The following ZNFX1 variants were observed in gnomAD, a reference collection of about 807,000 sequenced individuals.
The protein encoded by ZNFX1 is zinc finger NFX1-type containing 1, also known as NFX1-type zinc finger-containing protein 1.
In ZNFX1, 78 loss-of-function variants were observed where a neutral mutation model predicts 179.8. The ratio of observed to expected loss-of-function variants is 0.43; its 90% confidence interval spans 0.36 to 0.52. The LOEUF is 0.52. ZNFX1 is among the 20% of genes least tolerant of loss of function. The pLI is 0.00. For missense variants in ZNFX1, 1,927 were observed against 2,386.6 expected, an observed-to-expected ratio of 0.81 and a Z score of 4.01; for synonymous variants, 848 against 868.5, an observed-to-expected ratio of 0.98 and a Z score of 0.42.
chr20:49,258,969 G>A (rs922864395), intron 7 of ZNFX1, among the ~76,000 whole-genome samples: 2 of 151,754 alleles, frequency 1.3e-5, no homozygotes, highest in Non-Finnish European at 2.9e-5. Context: ...TGGGTGTGGT[G>A]AGTGTGCCTG....
In ZNFX1 at chr20:49,249,688, A is replaced by G. The variant is rs2146728190; in HGVS notation, c.3336T>C (p.Phe1112=). The G allele has an allele frequency of 2.5e-6, 4 of 1,612,826 alleles. No individual in the cohort carries two copies. In the East Asian group the frequency reaches 8.9e-5, roughly 36 times the overall value. Residue 1112 remains phenylalanine, a synonymous_variant, in exon 14 of 14, where the codon TTT becomes TTC. Coordinates refer to ENST00000396105, the MANE Select transcript of ZNFX1 (RefSeq NM_021035.3). ...CCTGTTCAGGAAAGTTGTGTTCTAC[A>G]AAGAAAAGGTTGGAAGACACCCCCT... is the stretch of plus-strand genomic sequence containing the variant. ...KIKGVSSNLF[F]VEHNFPEQEI... is the part of the protein sequence containing the mutation.
At chr20:49,264,690 C>G (rs550864475) in intron 5 of ZNFX1, 26 bp downstream of exon 5, 1 of 1,612,186 alleles carries the variant, frequency 6.2e-7, no homozygotes, top group African/African-American at 1.3e-5. Context: ...TTGAACTACC[C>G]CAGATATTTC....
At chr20:49,275,338 C>CTT (rs202055135) in intron 2 of ZNFX1, among the ~76,000 whole-genome samples, 2 of 145,178 alleles carry the variant, frequency 1.4e-5, no homozygotes, top group African/African-American at 5.0e-5. Context: ...ATAACTCATT[C>CTT]TTTTTTTTTT....
At chr20:49,264,639 T>C in intron 5 of ZNFX1, 77 bp downstream of exon 5, 1 of 1,559,006 alleles carries the variant, frequency 6.4e-7, no homozygotes. Context: ...TACCCTGGGC[T>C]GCCTACCCAG....
Position 49,260,505 on chromosome 20 carries a change from A to T in ZNFX1, c.2374T>A (p.Ser792Thr). Residue 792 changes from serine to threonine, a missense_variant, in exon 7 of 14, where the codon TCT becomes ACT. Coordinates refer to ENST00000396105, the MANE Select transcript of ZNFX1 (RefSeq NM_021035.3). ...MLEWLGLGVG[S>T]FTQSVSPAGP... ...GCTGGAGAAACACTTTGCGTGAAAG[A>T]ACCGACACCAAGACCTAGCCACTCC... is the stretch of plus-strand genomic sequence containing the variant. 2 of 1,613,542 alleles carry T rather than the reference A, an allele frequency of 1.2e-6. No individual in the cohort carries two copies. The highest frequency in any genetic ancestry group is 2.2e-5 in the South Asian group (2 of 90,960).
At chr20:49,266,830 T>C (rs1374125910) in intron 3 of ZNFX1, among the ~76,000 whole-genome samples, 1 of 152,168 alleles carries the variant, frequency 6.6e-6, no homozygotes, top group Non-Finnish European at 1.5e-5. Context: ...AAATCAACAT[T>C]GGAATAAGAG....
At position 49,270,396 on chromosome 20, in the gene ZNFX1, CCT is replaced by C. The variant is rs1484460065; in HGVS notation, c.1414_1415del (p.Arg472GlyfsTer16). 4.3e-6 allele frequency: 7 copies of C among 1,614,238 alleles called. No individual in the cohort carries two copies. The highest frequency in any genetic ancestry group is 5.1e-6 in the Non-Finnish European group (6 of 1,180,046). ...TTCCTCGGCAGAGATCTTCCTGCTCCCTGTTAGATACGGTGGCAAAAAGAAAT... is the reference window on the plus strand; with the variant it reads ...TTCCTCGGCAGAGATCTTCCTGCTCCGTTAGATACGGTGGCAAAAAGAAAT... ...ETFLFATVSN[R>X]EQEDLCRGIV... is the part of the protein sequence containing the mutation. On this transcript the variant is annotated frameshift_variant, in exon 3 of 14. Transcript: ENST00000396105. LOFTEE classifies it high-confidence loss of function. The surrounding 1 kb of genome is among the most constrained non-coding windows in gnomAD (Gnocchi z 4.6).
At chr20:49,256,409 G>A (rs1259060481) in intron 8 of ZNFX1, among the ~76,000 whole-genome samples, 1 of 152,164 alleles carries the variant, frequency 6.6e-6, no homozygotes, top group African/African-American at 2.4e-5. Context: ...GTTGAATGCT[G>A]TACAACCAGT....
At chr20:49,254,393 T>C in intron 10 of ZNFX1, 102 bp downstream of exon 10, 1 of 1,423,812 alleles carries the variant, frequency 7.0e-7, no homozygotes, top group Non-Finnish European at 9.6e-7. Flanking sequence ...CATGGTATTT[T>C]CCTCTAACCT....
At position 49,270,910 on chromosome 20, in the gene ZNFX1, A is replaced by T; in HGVS notation, c.902T>A (p.Ile301Asn). 6 of 1,614,088 alleles carry T rather than the reference A, an allele frequency of 3.7e-6. No individual in the cohort carries two copies. Among genetic ancestry groups the T allele is most frequent in the Non-Finnish European group, 4.2e-6 (5 of 1,180,014 alleles). ...TEKNLEKVQTIIEHLQEKRRE... is the reference protein window; with the variant it reads ...TEKNLEKVQTNIEHLQEKRRE... ...CCTCTTTTCCTGCAGATGTTCAATG[A>T]TAGTCTGTACCTTTTCCAGGTTCTT... The change falls in exon 3 of 14, where the codon ATC becomes AAC. Residue 301 changes from isoleucine (I) to asparagine (N), a missense_variant. Transcript: ENST00000396105. This position sits in a 1 kb window ranked among gnomAD's most constrained non-coding sequence, Gnocchi z 4.6.
intron 13 of ZNFX1, 147 bp from the exon 14 acceptor site, chr20:49,249,858 T>C: frequency 1.3e-6 from 1 of 771,436 alleles, no homozygotes; most frequent in Non-Finnish European, 2.1e-6. Context: ...TATCTTTAGT[T>C]CTTTAGTTAG....
At position 49,270,615 on chromosome 20, in the gene ZNFX1, G is replaced by C. The variant is rs760162557; in HGVS notation, c.1197C>G (p.Gly399=). The C allele has an allele frequency of 1.9e-6, 3 of 1,614,142 alleles. No homozygotes were observed. Among genetic ancestry groups the C allele is most frequent in the Non-Finnish European group, 1.7e-6 (2 of 1,180,030 alleles). ...TGTCATCAAACTTTCTCTTCCTCAGGCCCTGGTCTTCAAAGCTTTGGAGAA... is the reference window on the plus strand; with the variant it reads ...TGTCATCAAACTTTCTCTTCCTCAGCCCCTGGTCTTCAAAGCTTTGGAGAA... ...LELLQSFEDQ[G]LRKRKFDDIR... The change falls in exon 3 of 14, where the codon GGC becomes GGG. Residue 399 remains glycine (G), a synonymous_variant. Transcript: ENST00000396105. This position sits in a 1 kb window ranked among gnomAD's most constrained non-coding sequence, Gnocchi z 4.6.
In ZNFX1 at chr20:49,266,235, C is replaced by T; in HGVS notation, c.1902G>A (p.Gln634=). ...AAACAGACTCGTTGGTTAGGAGGGCCTGAACAATTTTTAGACCCACATAGG... is the reference window on the plus strand; with the variant it reads ...AAACAGACTCGTTGGTTAGGAGGGCTTGAACAATTTTTAGACCCACATAGG... ...GKTYVGLKIV[Q]ALLTNESVWQ... is the part of the protein sequence containing the mutation. Residue 634 remains glutamine (Q), a synonymous_variant, in exon 4 of 14, where the codon CAG becomes CAA. Transcript: ENST00000396105. 6.2e-7 allele frequency: 1 copy of T among 1,610,756 alleles called. No individual in the cohort carries two copies. The highest frequency in any genetic ancestry group is 8.5e-7 in the Non-Finnish European group (1 of 1,178,958).
chr20:49,262,295 A>C (rs1167175225), intron 6 of ZNFX1, among the ~76,000 whole-genome samples: 1 of 151,476 alleles, frequency 6.6e-6, no homozygotes, highest in Non-Finnish European at 1.5e-5. Context: ...AATCCTAGCT[A>C]CTCAAGAGGC....
Position 49,270,091 on chromosome 20 carries a change from A to G in ZNFX1, c.1721T>C (p.Val574Ala). 1 of 1,614,214 alleles carries G rather than the reference A, an allele frequency of 6.2e-7. No homozygotes were observed. The highest frequency in any genetic ancestry group is 8.5e-7 in the Non-Finnish European group (1 of 1,180,038). ...PSATGEFLRN[V>A]EGLRHPRINV... ...AATTCTGGGATGTCTCAAACCCTCG[A>G]CATTTCTTAGAAATTCCCCAGTGGC... The change falls in exon 3 of 14, where the codon GTC becomes GCC. Residue 574 changes from valine (V) to alanine (A), a missense_variant. Val to Ala is a moderately conservative substitution (Grantham distance 64). Transcript: ENST00000396105. The surrounding 1 kb of genome is among the most constrained non-coding windows in gnomAD (Gnocchi z 4.6).
chr20:49,264,131 A>C (rs1420596741), intron 5 of ZNFX1, among the ~76,000 whole-genome samples: 1 of 152,188 alleles, frequency 6.6e-6, no homozygotes, highest in Non-Finnish European at 1.5e-5. Context: ...CTGAGGCAAG[A>C]GAATCGCTTG....
At chr20:49,276,755 T>G (rs568453664) in intron 1 of ZNFX1, among the ~76,000 whole-genome samples, 9 of 152,356 alleles carry the variant, frequency 5.9e-5, no homozygotes, top group African/African-American at 1.7e-4. Context: ...AATTGGAAAC[T>G]GTGACTACAT....
chr20:49,268,694 C>T (rs1981306382), intron 3 of ZNFX1, among the ~76,000 whole-genome samples: 1 of 152,050 alleles, frequency 6.6e-6, no homozygotes, highest in African/African-American at 2.4e-5. Context: ...ACAGACACTT[C>T]TCAAAAGAAG....
At chr20:49,264,012 A>G (rs1436116767) in intron 5 of ZNFX1, among the ~76,000 whole-genome samples, 2 of 151,800 alleles carry the variant, frequency 1.3e-5, no homozygotes, top group Non-Finnish European at 2.9e-5. Flanking sequence ...CCATGAGGTC[A>G]AGAGATCGAG....
Sources: allele counts gnomAD v4.1 joint callset (sites outside exome capture counted in the v4.1 genomes callset), GRCh38; gene constraint gnomAD v4.1.1; non-coding constraint Gnocchi (gnomAD v3.1); transcripts MANE v1.5; gene names NCBI Gene and HGNC (gene_info 2026-07-23, HGNC 2026-07-21).